The following AGBL4 variants were observed in gnomAD, a reference collection of about 807,000 sequenced individuals.
AGBL4 encodes the protein AGBL carboxypeptidase 4.
Under a neutral mutation model 66.4 loss-of-function variants are expected in AGBL4, and 58 were observed. That is an observed-to-expected ratio of 0.87 (90% CI 0.71 to 1.09). The LOEUF is 1.09. AGBL4 is among the 50% of genes least tolerant of loss of function. The pLI is 0.00. For missense variants in AGBL4, 579 were observed against 631.0 expected (o/e 0.92, Z 0.88); for synonymous variants, 234 against 222.9 (o/e 1.05, Z -0.44).
At chr1:49,318,429 G>C (rs1177611424) in intron 3 of AGBL4, among the ~76,000 whole-genome samples, 1 of 150,214 alleles carries the variant, frequency 6.7e-6, no homozygotes, top group African/African-American at 2.5e-5. Flanking sequence ...TGATGATGAC[G>C]GCAATGATGA....
At chr1:49,743,539 C>A (rs1177716109) in intron 2 of AGBL4, among the ~76,000 whole-genome samples, 3 of 152,192 alleles carry the variant, frequency 2.0e-5, no homozygotes, top group South Asian at 2.1e-4. Flanking sequence ...TTGACCCAGA[C>A]ATCCCATTAC....
At chr1:48,674,243 T>C (rs966585078) in intron 6 of AGBL4, among the ~76,000 whole-genome samples, 3 of 152,198 alleles carry the variant, frequency 2.0e-5, no homozygotes, top group African/African-American at 4.8e-5. Context: ...ATCCCTGCCA[T>C]ACATTCACGC....
At chr1:49,909,195 T>C (rs1650571023) in intron 1 of AGBL4, among the ~76,000 whole-genome samples, 1 of 152,178 alleles carries the variant, frequency 6.6e-6, no homozygotes, top group African/African-American at 2.4e-5. Context: ...ATAAATAATA[T>C]TTGTAATTTT....
chr1:48,744,192 G>T (rs753976599), intron 6 of AGBL4, among the ~76,000 whole-genome samples: 4 of 152,196 alleles, frequency 2.6e-5, no homozygotes, highest in Admixed American at 6.5e-5. Context: ...ACCTATTCAA[G>T]GGCTGGGCCT....
Position 49,499,528 on chromosome 1 carries a change from C to G in AGBL4, c.282+197785G>C, listed in dbSNP as rs79322245. Among the ~76,000 whole-genome samples, 47 of 151,876 alleles carry G rather than the reference C, an allele frequency of 3.1e-4. No individual in the cohort carries two copies. The East Asian group carries it at 8.9e-3, about 29-fold the overall frequency. Reference sequence around the variant, plus strand: ...TCACTCACCCCCTTCCAGCCTCCCCCCAAGTCCCCAGAGTCCATTACATCA... The same window carrying G: ...TCACTCACCCCCTTCCAGCCTCCCCGCAAGTCCCCAGAGTCCATTACATCA... On this transcript the variant is annotated intron_variant, in intron 3 of 13. Transcript: ENST00000371839.
At chr1:49,699,884 T>C (rs1328862986) in intron 2 of AGBL4, among the ~76,000 whole-genome samples, 1 of 151,880 alleles carries the variant, frequency 6.6e-6, no homozygotes, top group African/African-American at 2.4e-5. Context: ...AGAAAGTAGA[T>C]TGTAGTTGCT....
chr1:48,605,428 C>T (rs1355561435), intron 9 of AGBL4, among the ~76,000 whole-genome samples: 2 of 152,208 alleles, frequency 1.3e-5, no homozygotes, highest in African/African-American at 4.8e-5. Flanking sequence ...TTTGTTCCCT[C>T]AGGCAGGAAC....
chr1:48,647,772 G>T (rs1230094656), intron 8 of AGBL4, among the ~76,000 whole-genome samples: 1 of 152,174 alleles, frequency 6.6e-6, no homozygotes. Flanking sequence ...GACGAGGAAG[G>T]AGCTGGCAGA....
chr1:49,854,999 C>G (rs548013004), intron 1 of AGBL4, among the ~76,000 whole-genome samples: 287 of 152,286 alleles, frequency 1.9e-3, no homozygotes, highest in Non-Finnish European at 3.2e-3. Context: ...CACTCATTTT[C>G]TCTCCTGCTG....
At chr1:49,976,615 A>G (rs1179966050) in intron 1 of AGBL4, among the ~76,000 whole-genome samples, 1 of 152,196 alleles carries the variant, frequency 6.6e-6, no homozygotes, top group African/African-American at 2.4e-5. Flanking sequence ...ACAGCTTGAA[A>G]AGCTCAAAAT....
chr1:49,991,371 C>T (rs1572022404), intron 1 of AGBL4, among the ~76,000 whole-genome samples: 3 of 152,162 alleles, frequency 2.0e-5, no homozygotes, highest in Non-Finnish European at 1.5e-5. Context: ...ATAAATAATT[C>T]TTATGCATCT....
At chr1:48,676,594 C>A (rs1243058469) in intron 6 of AGBL4, among the ~76,000 whole-genome samples, 1 of 152,162 alleles carries the variant, frequency 6.6e-6, no homozygotes, top group Non-Finnish European at 1.5e-5. Flanking sequence ...AATAGAAATA[C>A]CTGATTAAGA....
intron 4 of AGBL4, among the ~76,000 whole-genome samples, chr1:49,116,287 G>C (rs1002896681): frequency 1.3e-5 from 2 of 152,094 alleles, no homozygotes; most frequent in African/African-American, 4.8e-5. Context: ...TGTTACATAG[G>C]TATACGTGTG....
At chr1:49,494,520 T>C (rs951872284) in intron 3 of AGBL4, among the ~76,000 whole-genome samples, 7 of 151,588 alleles carry the variant, frequency 4.6e-5, no homozygotes, top group Non-Finnish European at 8.8e-5. Flanking sequence ...TGAGAATATG[T>C]GGTGTTTGGT....
downstream of AGBL4, among the ~76,000 whole-genome samples, chr1:48,527,870 G>A (rs1643888421): frequency 6.6e-6 from 1 of 152,138 alleles, no homozygotes; most frequent in Non-Finnish European, 1.5e-5. Flanking sequence ...CCAGGCTCCT[G>A]GCTTGGACAG....
intron 6 of AGBL4, among the ~76,000 whole-genome samples, chr1:48,753,622 A>G (rs1047083074): frequency 5.9e-5 from 9 of 152,212 alleles, no homozygotes; most frequent in Admixed American, 4.6e-4. Flanking sequence ...GCAGGCCACA[A>G]TGGCTTTCTC....
At chr1:48,827,072 C>G (rs1646442122) in intron 6 of AGBL4, among the ~76,000 whole-genome samples, 1 of 152,164 alleles carries the variant, frequency 6.6e-6, no homozygotes, top group Non-Finnish European at 1.5e-5. Context: ...TGGACAAATG[C>G]TATGTTTTCT....
chr1:49,557,145 G>A (rs1643922788), intron 3 of AGBL4, among the ~76,000 whole-genome samples: 1 of 152,072 alleles, frequency 6.6e-6, no homozygotes, highest in African/African-American at 2.4e-5. Flanking sequence ...CCAGCCCAGA[G>A]AAGGTCTCCC....
chr1:49,435,715 C>A (rs1294325599), intron 3 of AGBL4, among the ~76,000 whole-genome samples: 1 of 152,180 alleles, frequency 6.6e-6, no homozygotes, highest in Non-Finnish European at 1.5e-5. Context: ...TCTGGGTTAT[C>A]TGTGTTACTT....
Sources: gnomAD v4.1 joint callset for allele counts (sites outside exome capture counted in the v4.1 genomes callset) on GRCh38, gnomAD v4.1.1 for gene constraint, MANE v1.5 for transcripts, NCBI Gene and HGNC (gene_info 2026-07-23, HGNC 2026-07-21) for gene names.